The following DMD variants were observed in gnomAD, a reference collection of about 807,000 sequenced individuals.
The protein encoded by DMD is mutant dystrophin.
DMD carries 63 observed loss-of-function variants against 330.1 expected under a neutral mutation model. The observed-to-expected ratio is 0.19, with a 90% CI of 0.16 to 0.24. DMD has a LOEUF of 0.24. DMD is among the 10% of genes least tolerant of loss of function. The probability of loss-of-function intolerance (pLI) is 1.00; values close to 1 mark genes in which losing one functional copy is unlikely to be tolerated. For synonymous variants in DMD, 1,223 were observed against 959.8 expected, an observed-to-expected ratio of 1.27 and a Z score of -5.07; for missense variants, 3,344 against 2,684.1, an observed-to-expected ratio of 1.25 and a Z score of -5.43.
chrX:32,344,138 C>A, intron 39 of DMD, among the ~76,000 whole-genome samples: 2 of 112,261 alleles, frequency 1.8e-5, no homozygotes, highest in Middle Eastern at 9.2e-3. Context: ...TAGAATTACT[C>A]AAAATGCCAT....
intron 1 of DMD, among the ~76,000 whole-genome samples, chrX:33,191,171 A>T: frequency 9.8e-6 from 1 of 101,879 alleles, no homozygotes; most frequent in Non-Finnish European, 2.0e-5. Flanking sequence ...TGTCTTTTTC[A>T]TTCCTAATGC....
At chrX:33,112,499 G>A (rs1316486794) in intron 1 of DMD, among the ~76,000 whole-genome samples, 2 of 111,590 alleles carry the variant, frequency 1.8e-5, no homozygotes, top group Non-Finnish European at 1.9e-5. Context: ...TGACATTAAA[G>A]ACATTAATAG....
intron 11 of DMD, among the ~76,000 whole-genome samples, chrX:32,631,203 G>T (rs2058704753): frequency 9.0e-6 from 1 of 111,198 alleles, no homozygotes; most frequent in African/African-American, 3.3e-5. Context: ...TCTCTGTGAT[G>T]AGCTGCCTGG....
At chrX:32,951,558 A>C (rs1337745200) in intron 2 of DMD, among the ~76,000 whole-genome samples, 1 of 111,263 alleles carries the variant, frequency 9.0e-6, no homozygotes, top group Non-Finnish European at 1.9e-5. Flanking sequence ...GAGATGAATT[A>C]CTTGACAGTC....
chrX:31,194,869 G>C (rs1002158128), intron 67 of DMD, among the ~76,000 whole-genome samples: 2 of 111,422 alleles, frequency 1.8e-5, no homozygotes, highest in African/African-American at 6.5e-5. Context: ...CAAACCTAAC[G>C]CAAAATTGAT....
chrX:31,995,129 C>T (rs773861925), intron 44 of DMD, among the ~76,000 whole-genome samples: 2 of 111,653 alleles, frequency 1.8e-5, no homozygotes, highest in Non-Finnish European at 3.8e-5. Flanking sequence ...TCCAAATTCT[C>T]TCTGTGTGTA....
intron 55 of DMD, 43 bp from the exon 56 acceptor site, chrX:31,507,496 CAAAA>C: frequency 1.8e-6 from 2 of 1,115,505 alleles, no homozygotes; most frequent in Non-Finnish European, 2.4e-6. Flanking sequence ...AATTACCAAA[CAAAA>C]GAAACAAGCG....
chrX:33,078,264 CT>C (rs1330586392), intron 1 of DMD, among the ~76,000 whole-genome samples: 1 of 111,855 alleles, frequency 8.9e-6, no homozygotes, highest in East Asian at 2.8e-4. Flanking sequence ...TTAAATGGCT[CT>C]ATAAGTCAAC....
At chrX:32,148,111 T>G (rs1308283013) in intron 44 of DMD, among the ~76,000 whole-genome samples, 1 of 110,399 alleles carries the variant, frequency 9.1e-6, no homozygotes, top group Non-Finnish European at 1.9e-5. Flanking sequence ...TCTCCTGACC[T>G]CGTGATCAGC....
intron 78 of DMD, 150 bp from the exon 79 acceptor site, chrX:31,122,080 T>G: frequency 2.0e-6 from 1 of 488,762 alleles, no homozygotes; most frequent in Non-Finnish European, 3.5e-6. Flanking sequence ...CAAGGTTTGA[T>G]TTTTCACCAG....
chrX:31,679,873 C>G (rs1400089918), intron 52 of DMD, among the ~76,000 whole-genome samples: 2 of 111,803 alleles, frequency 1.8e-5, no homozygotes, highest in East Asian at 2.8e-4. Flanking sequence ...GTTAGAAAAG[C>G]ACTACAGCAG....
intron 11 of DMD, among the ~76,000 whole-genome samples, chrX:32,618,218 A>G (rs2057728604): frequency 8.9e-6 from 1 of 112,436 alleles, no homozygotes; most frequent in Non-Finnish European, 1.9e-5. Flanking sequence ...ATGCACACAT[A>G]TGTTCGTGGC....
intron 34 of DMD, among the ~76,000 whole-genome samples, chrX:32,369,649 T>G (rs2097865975): frequency 9.0e-6 from 1 of 111,274 alleles, no homozygotes; most frequent in Non-Finnish European, 1.9e-5. Context: ...CTCCACCCAT[T>G]TCGTATTTTC....
At chrX:33,336,927 C>T (rs954935115) in intron 1 of DMD, among the ~76,000 whole-genome samples, 5 of 111,138 alleles carry the variant, frequency 4.5e-5, no homozygotes, top group Non-Finnish European at 9.4e-5. Context: ...GGTTTGCCTG[C>T]TCTTCAGGTG....
chrX:31,146,380 A>G lies in DMD; in HGVS notation c.10832T>C (p.Val3611Ala), dbSNP rs1471194253. The change falls in exon 76 of 79, where the codon GTG becomes GCG. Residue 3611 changes from valine (V) to alanine (A), a missense_variant. Coordinates refer to ENST00000357033, the MANE Select transcript of DMD (RefSeq NM_004006.3). ...QAEAKVNGTTVSSPSTSLQRS... is the reference protein window; with the variant it reads ...QAEAKVNGTTASSPSTSLQRS... Reference sequence around the variant, plus strand: ...CTGTAGAGAGGTAGAAGGAGAGGACACCGTTGTGCCATTCACTTTGGCCTC... The same window carrying G: ...CTGTAGAGAGGTAGAAGGAGAGGACGCCGTTGTGCCATTCACTTTGGCCTC... The G allele has an allele frequency of 8.3e-7, 1 of 1,210,634 alleles. No individual in the cohort carries two copies. Among genetic ancestry groups the G allele is most frequent in the South Asian group, 1.8e-5 (1 of 56,954 alleles).
chrX:31,662,052 T>C (rs2081157940), intron 53 of DMD, among the ~76,000 whole-genome samples: 1 of 111,746 alleles, frequency 8.9e-6, no homozygotes, highest in Non-Finnish European at 1.9e-5. Context: ...AGAGAAAGAG[T>C]AGCTAAAAGC....
intron 21 of DMD, among the ~76,000 whole-genome samples, chrX:32,475,771 T>A (rs1291067497): frequency 1.8e-5 from 2 of 110,882 alleles, no homozygotes; most frequent in African/African-American, 6.6e-5. Flanking sequence ...TTCTAGAAAC[T>A]TTCTGGAGGA....
intron 17 of DMD, among the ~76,000 whole-genome samples, chrX:32,528,853 G>T (rs1425451289): frequency 2.9e-5 from 3 of 104,266 alleles, no homozygotes; most frequent in Non-Finnish European, 5.9e-5. Flanking sequence ...CAGCCTGGAA[G>T]CCCCCACCCC....
At chrX:31,841,178 C>A (rs1371059019) in intron 48 of DMD, among the ~76,000 whole-genome samples, 3 of 111,573 alleles carry the variant, frequency 2.7e-5, no homozygotes, top group African/African-American at 9.8e-5. Context: ...TGGAGAATGT[C>A]TTAGTGGTCT....
Sources: gnomAD v4.1 joint callset for allele counts (sites outside exome capture counted in the v4.1 genomes callset) on GRCh38, gnomAD v4.1.1 for gene constraint, MANE v1.5 for transcripts, NCBI Gene and HGNC (gene_info 2026-07-23, HGNC 2026-07-21) for gene names.